The following FOXJ3 variants were observed in gnomAD, a reference collection of about 807,000 sequenced individuals.
FOXJ3 encodes forkhead box protein J3.
A neutral mutation model predicts 76.1 loss-of-function variants in FOXJ3; 22 were observed. The ratio of observed to expected loss-of-function variants is 0.29; its 90% CI spans 0.21 to 0.41. The LOEUF (loss-of-function observed/expected upper bound fraction) is 0.41, where lower values mean the gene tolerates loss of function less well. Among genes scored for constraint, FOXJ3 ranks in the 10% least tolerant of loss-of-function variants. The probability of loss-of-function intolerance (pLI) is 1.00; values close to 1 mark genes in which losing one functional copy is unlikely to be tolerated. For missense variants in FOXJ3, 613 were observed against 762.1 expected (o/e 0.80, Z 2.30); for synonymous variants, 269 against 261.2 (o/e 1.03, Z -0.29).
At chr1:42,312,582 C>T (rs1654878520) in intron 1 of FOXJ3, among the ~76,000 whole-genome samples, 1 of 152,206 alleles carries the variant, frequency 6.6e-6, no homozygotes, top group Non-Finnish European at 1.5e-5. Flanking sequence ...AGTAAAGTAT[C>T]TTAAAATCTT....
intron 9 of FOXJ3, 52 bp from the exon 10 acceptor site, chr1:42,189,456 TG>T: frequency 7.6e-7 from 1 of 1,323,510 alleles, no homozygotes; most frequent in Non-Finnish European, 1.1e-6. Flanking sequence ...GGGTGAAGTG[TG>T]GTAAGGGAAA....
chr1:42,274,183 GA>G (rs1426497579), intron 3 of FOXJ3, among the ~76,000 whole-genome samples: 1 of 152,126 alleles, frequency 6.6e-6, no homozygotes, highest in Non-Finnish European at 1.5e-5. Flanking sequence ...TATTGACAAA[GA>G]AAGTCTACAG....
At chr1:42,257,963 A>C (rs1650735115) in intron 4 of FOXJ3, among the ~76,000 whole-genome samples, 1 of 152,172 alleles carries the variant, frequency 6.6e-6, no homozygotes, top group Non-Finnish European at 1.5e-5. Flanking sequence ...AAAAGCCATT[A>C]CCTGATTAAG....
chr1:42,281,444 T>C (rs1010571272), intron 2 of FOXJ3, among the ~76,000 whole-genome samples: 4 of 152,078 alleles, frequency 2.6e-5, no homozygotes, highest in Non-Finnish European at 5.9e-5. Flanking sequence ...TAAGTGAAGA[T>C]TTAAATAGAC....
At chr1:42,312,376 A>C (rs577798078) in intron 1 of FOXJ3, among the ~76,000 whole-genome samples, 1 of 152,128 alleles carries the variant, frequency 6.6e-6, no homozygotes, top group Admixed American at 6.6e-5. Context: ...CATTTCCTAA[A>C]TACTATGTAG....
intron 2 of FOXJ3, among the ~76,000 whole-genome samples, chr1:42,286,964 A>G (rs1181052663): frequency 6.6e-6 from 1 of 152,180 alleles, no homozygotes. Flanking sequence ...TTGGAGACCA[A>G]CAATATTTCT....
chr1:42,310,876 A>G (rs1654764563), intron 2 of FOXJ3, among the ~76,000 whole-genome samples, 174 bp downstream of exon 2: 1 of 152,230 alleles, frequency 6.6e-6, no homozygotes, highest in Non-Finnish European at 1.5e-5. Context: ...CATTACCACG[A>G]AAATTTCAGT....
At chr1:42,223,394 A>T (rs930939090) in intron 5 of FOXJ3, among the ~76,000 whole-genome samples, 1 of 152,298 alleles carries the variant, frequency 6.6e-6, no homozygotes, top group South Asian at 2.1e-4. Flanking sequence ...ACTTTAGTTT[A>T]TCTAACCAAA....
intron 4 of FOXJ3, among the ~76,000 whole-genome samples, chr1:42,235,270 G>A (rs368376046): frequency 6.6e-6 from 1 of 152,176 alleles, no homozygotes; most frequent in African/African-American, 2.4e-5. Flanking sequence ...TATTAGGGTG[G>A]GAGTGACCCA....
At chr1:42,329,428 T>G (rs950692509) in intron 1 of FOXJ3, among the ~76,000 whole-genome samples, 1 of 152,222 alleles carries the variant, frequency 6.6e-6, no homozygotes, top group Admixed American at 6.5e-5. Flanking sequence ...TCAAATTTTG[T>G]GACAGTTGTT....
intron 3 of FOXJ3, among the ~76,000 whole-genome samples, chr1:42,273,372 G>GA (rs1468012979): frequency 6.6e-6 from 1 of 152,090 alleles, no homozygotes; most frequent in Admixed American, 6.6e-5. Context: ...ATTATCAAAT[G>GA]AAAGACGAAA....
At chr1:42,296,534 C>G (rs555984145) in intron 2 of FOXJ3, among the ~76,000 whole-genome samples, 60 of 152,298 alleles carry the variant, frequency 3.9e-4, no homozygotes, top group South Asian at 1.0e-3. Flanking sequence ...AGCCAATATC[C>G]CAGCACCATC....
At chr1:42,322,371 A>G (rs1322902877) in intron 1 of FOXJ3, among the ~76,000 whole-genome samples, 1 of 152,124 alleles carries the variant, frequency 6.6e-6, no homozygotes, top group African/African-American at 2.4e-5. Flanking sequence ...CATGGGTAAT[A>G]TAAGAAAATA....
intron 4 of FOXJ3, 87 bp from the exon 5 acceptor site, chr1:42,228,053 A>C: frequency 1.7e-6 from 1 of 596,308 alleles, no homozygotes; most frequent in Non-Finnish European, 2.8e-6. Context: ...CATCAAAAGC[A>C]AACATTCTGC....
intron 2 of FOXJ3, among the ~76,000 whole-genome samples, chr1:42,307,495 T>A (rs542422178): frequency 7.9e-5 from 12 of 152,240 alleles, no homozygotes; most frequent in Non-Finnish European, 1.2e-4. Flanking sequence ...TTATGTTACT[T>A]AGTTAACACA....
rs891039071 is a variant in FOXJ3, at chr1:42,223,059, C to T, written c.528+4824G>A. Among the ~76,000 whole-genome samples the T allele has an allele frequency of 4.6e-5, 7 of 152,128 alleles. No individual in the cohort carries two copies. In the East Asian group the frequency reaches 5.8e-4, roughly 13 times the overall value. On this transcript the variant is annotated intron_variant, in intron 5 of 12. Transcript: ENST00000361346. Reference sequence around the variant, plus strand: ...CCTTGTCCTAAAATTATGTGTCTTACGTCTTATTCTTCTTGGTATGCACCA... The same window carrying T: ...CCTTGTCCTAAAATTATGTGTCTTATGTCTTATTCTTCTTGGTATGCACCA...
chr1:42,255,014 T>G (rs1003348952), intron 4 of FOXJ3, among the ~76,000 whole-genome samples: 1 of 151,306 alleles, frequency 6.6e-6, no homozygotes, highest in Admixed American at 6.6e-5. Context: ...AGATGGAAAC[T>G]TAGATTTCTA....
intron 5 of FOXJ3, among the ~76,000 whole-genome samples, chr1:42,216,221 T>C (rs915634371): frequency 2.0e-5 from 3 of 151,988 alleles, no homozygotes; most frequent in Admixed American, 2.0e-4. Flanking sequence ...ACTGGCTAAA[T>C]ATAAAAGACT....
chr1:42,215,262 G>A (rs1269733647), intron 5 of FOXJ3, among the ~76,000 whole-genome samples: 1 of 151,458 alleles, frequency 6.6e-6, no homozygotes, highest in Non-Finnish European at 1.5e-5. Flanking sequence ...AAACTTGAAT[G>A]GAAATATAAT....
Sources: allele counts gnomAD v4.1 joint callset (sites outside exome capture counted in the v4.1 genomes callset), GRCh38; gene constraint gnomAD v4.1.1; transcripts MANE v1.5; gene names NCBI Gene and HGNC (gene_info 2026-07-23, HGNC 2026-07-21).